VPS33A: variants seen among roughly 807,000 people sequenced by gnomAD.
The protein encoded by VPS33A is VPS33A core subunit of CORVET and HOPS complexes.
Under a neutral mutation model 71.8 loss-of-function variants are expected in VPS33A, and 32 were observed. The observed-to-expected ratio is 0.45, with a 90% CI of 0.34 to 0.60. The LOEUF (loss-of-function observed/expected upper bound fraction) is 0.60, where lower values mean the gene tolerates loss of function less well. Among genes scored for constraint, VPS33A ranks in the 20% least tolerant of loss-of-function variants. VPS33A has a pLI of 0.02. For missense variants in VPS33A, 625 were observed against 748.5 expected (o/e 0.84, Z 1.92); for synonymous variants, 311 against 292.7 (o/e 1.06, Z -0.64).
At chr12:122,235,755 A>G in intron 11 of VPS33A, 31 bp downstream of exon 11, 1 of 1,592,954 alleles carries the variant, frequency 6.3e-7, no homozygotes, top group Non-Finnish European at 8.6e-7. Context: ...CCAGTCCCTA[A>G]GCTGAGACGA....
intron 4 of VPS33A, among the ~76,000 whole-genome samples, chr12:122,251,921 A>T (rs1205922377): frequency 3.4e-5 from 4 of 116,124 alleles, no homozygotes; most frequent in African/African-American, 6.4e-5. Context: ...CTTAAAGTAT[A>T]AAAAAAAAAA....
intron 12 of VPS33A, 81 bp from the exon 13 acceptor site, chr12:122,232,508 A>C (rs903061882): frequency 2.2e-6 from 3 of 1,378,354 alleles, no homozygotes. Flanking sequence ...TTTATCATTC[A>C]TAAGAATAAA....
rs1333566483 is a variant in VPS33A, at chr12:122,249,948, T to G, written c.698A>C (p.Asn233Thr). 1 of 1,614,028 alleles carries G rather than the reference T, an allele frequency of 6.2e-7. No homozygotes were observed. Among genetic ancestry groups the G allele is most frequent in the Non-Finnish European group, 8.5e-7 (1 of 1,180,016 alleles). The stretch of plus-strand genomic sequence containing the variant: ...GGCAAGAGGTGTTAATAAATCCACA[T>G]TCCGATCAAGCAACAAGAGATTATC... ...VFDNLLLLDRNVDLLTPLATQ... is the reference protein window; with the variant it reads ...VFDNLLLLDRTVDLLTPLATQ... Residue 233 changes from asparagine to threonine, a missense_variant, in exon 6 of 13, where the codon AAT becomes ACT. Transcript: ENST00000267199.
In VPS33A at chr12:122,232,443, T is replaced by C. The variant is rs1420670852; in HGVS notation, c.1610-16A>G. Reference sequence around the variant, plus strand: ...CCCGGTTGACCTAAAATTTAAACATTTCAGAATTAAAAACTATTTATTATT... The same window carrying C: ...CCCGGTTGACCTAAAATTTAAACATCTCAGAATTAAAAACTATTTATTATT... On this transcript the variant is annotated splice_polypyrimidine_tract_variant and intron_variant, in intron 12 of 12. Transcript: ENST00000267199. 1.2e-6 allele frequency: 2 copies of C among 1,603,262 alleles called. No individual in the cohort carries two copies. Among genetic ancestry groups the C allele is most frequent in the African/African-American group, 2.7e-5 (2 of 74,204 alleles).
intron 6 of VPS33A, among the ~76,000 whole-genome samples, chr12:122,245,228 C>G (rs576367022): frequency 1.3e-5 from 2 of 152,010 alleles, no homozygotes; most frequent in African/African-American, 4.8e-5. Context: ...GCTTATCACA[C>G]GCTGTTAGAG....
At chr12:122,246,899 C>G (rs6488876) in intron 6 of VPS33A, among the ~76,000 whole-genome samples, 71,706 of 152,056 alleles carry the variant, frequency 0.47, 19,737 homozygotes, top group African/African-American at 0.76. Context: ...ACCATGCCTG[C>G]CCTATACTGT....
chr12:122,252,235 C>T (rs1352860519), intron 4 of VPS33A, among the ~76,000 whole-genome samples: 1 of 152,048 alleles, frequency 6.6e-6, no homozygotes, highest in Non-Finnish European at 1.5e-5. Context: ...CCCCTCTGGG[C>T]AACAGAGCAA....
chr12:122,249,780 A>C, intron 6 of VPS33A, 91 bp downstream of exon 6: 1 of 1,244,616 alleles, frequency 8.0e-7, no homozygotes, highest in Non-Finnish European at 1.1e-6. Flanking sequence ...ACTTTAAATT[A>C]TGCTTAAGTG....
At chr12:122,246,769 T>C (rs1287149207) in intron 6 of VPS33A, among the ~76,000 whole-genome samples, 1 of 151,452 alleles carries the variant, frequency 6.6e-6, no homozygotes, top group Admixed American at 6.6e-5. Context: ...CTGGCTAATT[T>C]TTTTTTGTAT....
At position 122,238,770 on chromosome 12, in the gene VPS33A, T is replaced by TACACACACAC. The variant is rs57522920; in HGVS notation, c.1165-56_1165-47dup. ...ATATACATATACATTTACATATACATACACACACACACACACACACACACA... is the reference window on the plus strand; with the variant it reads ...ATATACATATACATTTACATATACATACACACACACACACACACACACACACACACACACA... On this transcript the variant is annotated intron_variant, in intron 9 of 12. Coordinates refer to ENST00000267199, the MANE Select transcript of VPS33A (RefSeq NM_022916.6). The TACACACACAC allele has an allele frequency of 8.1e-3, 7,034 of 872,208 alleles. 85 individuals are homozygous for TACACACACAC. Among genetic ancestry groups the TACACACACAC allele is most frequent in the African/African-American group, 0.05 (2,577 of 51,386 alleles). 54.0% of individuals were successfully genotyped at this position (872,208 alleles called of 1,614,324 possible).
Position 122,263,580 on chromosome 12 carries a change from GT to G in VPS33A, c.287del (p.Asn96ThrfsTer30). 6.2e-7 allele frequency: 1 copy of G among 1,605,584 alleles called. No homozygotes were observed. The highest frequency in any genetic ancestry group is 8.5e-7 in the Non-Finnish European group (1 of 1,175,662). On this transcript the variant is annotated frameshift_variant, in exon 3 of 13. Coordinates refer to ENST00000267199, the MANE Select transcript of VPS33A (RefSeq NM_022916.6). LOFTEE classifies it high-confidence loss of function. ...RLELMDIIAE[N>X]VLSEDRRGPT... is the part of the protein sequence containing the mutation. ...CACAAGCTCTGAGATACCTGAGCACGTTTTCAGCGATTATATCCATCAACTC... is the reference window on the plus strand; with the variant it reads ...CACAAGCTCTGAGATACCTGAGCACGTTTCAGCGATTATATCCATCAACTC...
At chr12:122,255,275 G>A (rs1168996262) in intron 4 of VPS33A, among the ~76,000 whole-genome samples, 2 of 152,170 alleles carry the variant, frequency 1.3e-5, no homozygotes, top group African/African-American at 4.8e-5. Flanking sequence ...CAGAAGATAA[G>A]TGGTGGATAG....
intron 7 of VPS33A, among the ~76,000 whole-genome samples, chr12:122,243,715 C>T (rs910086656): frequency 6.6e-6 from 1 of 152,112 alleles, no homozygotes; most frequent in Non-Finnish European, 1.5e-5. Flanking sequence ...TAGTTCCAAG[C>T]CAGCCTGGGC....
At chr12:122,250,407 T>C (rs1367311935) in intron 5 of VPS33A, among the ~76,000 whole-genome samples, 6 of 152,208 alleles carry the variant, frequency 3.9e-5, no homozygotes, top group Admixed American at 6.6e-5. Flanking sequence ...TTTCTGTCAA[T>C]TGATCAATAC....
At chr12:122,257,870 T>G (rs1043994744) in intron 4 of VPS33A, among the ~76,000 whole-genome samples, 68 of 152,210 alleles carry the variant, frequency 4.5e-4, no homozygotes, top group African/African-American at 1.5e-3. Context: ...TACAGACATA[T>G]AGATCAGTGA....
At chr12:122,259,265 G>A (rs78116617) in intron 4 of VPS33A, among the ~76,000 whole-genome samples, 12,006 of 151,862 alleles carry the variant, frequency 0.079, 613 homozygotes, top group African/African-American at 0.13. Flanking sequence ...TGTTGCCCAG[G>A]CTGGAGTGCA....
At position 122,232,195 on chromosome 12, in the gene VPS33A, CAA is replaced by C; in HGVS notation, c.*49_*50del. 6.6e-7 allele frequency: 1 copy of C among 1,514,594 alleles called. No homozygotes were observed. The highest frequency in any genetic ancestry group is 8.9e-7 in the Non-Finnish European group (1 of 1,124,978). 93.8% of individuals were successfully genotyped at this position (1,514,594 alleles called of 1,614,324 possible). A position where few individuals can be genotyped will look rare whatever the true frequency, so the allele number is the denominator to read the frequency against. On this transcript the variant is annotated 3_prime_UTR_variant, in exon 13 of 13. Coordinates refer to ENST00000267199, the MANE Select transcript of VPS33A (RefSeq NM_022916.6). ...TTTTACTTCCTTTCAGCAATTTCTT[CAA>C]AGAGGTAGTTTATTCTGCAGTACAC...
chr12:122,251,108 G>A lies in VPS33A; in HGVS notation c.484-9C>T. The A allele has an allele frequency of 6.2e-7, 1 of 1,608,022 alleles. No homozygotes were observed. The highest frequency in any genetic ancestry group is 8.5e-7 in the Non-Finnish European group (1 of 1,175,010). On this transcript the variant is annotated splice_polypyrimidine_tract_variant and intron_variant, in intron 4 of 12. Coordinates refer to ENST00000267199, the MANE Select transcript of VPS33A (RefSeq NM_022916.6). ...CCCTCCAGGTAGCACTCCTGTGAGG[G>A]AAAAGGCCAATTATTGCCAGGCCAT...
intron 8 of VPS33A, 63 bp from the exon 9 acceptor site, chr12:122,240,008 C>G: frequency 8.1e-7 from 1 of 1,241,016 alleles, no homozygotes; most frequent in Non-Finnish European, 1.2e-6. Flanking sequence ...GAGTGGCATG[C>G]TTTTATACAC....
Sources: allele counts gnomAD v4.1 joint callset (sites outside exome capture counted in the v4.1 genomes callset), GRCh38; gene constraint gnomAD v4.1.1; transcripts MANE v1.5; gene names NCBI Gene and HGNC (gene_info 2026-07-23, HGNC 2026-07-21).